TEAD1: variants seen among roughly 807,000 people sequenced by gnomAD.
The protein encoded by TEAD1 is TEA domain transcription factor 1.
TEAD1 carries 9 observed loss-of-function variants against 54.9 expected under a neutral mutation model. That is an observed-to-expected ratio of 0.16 (90% CI 0.10 to 0.29). TEAD1 has a LOEUF of 0.29. Among genes scored for constraint, TEAD1 ranks in the 10% least tolerant of loss-of-function variants. The probability of loss-of-function intolerance (pLI) is 1.00; values close to 1 mark genes in which losing one functional copy is unlikely to be tolerated. For missense variants in TEAD1, 387 were observed against 535.9 expected (o/e 0.72, Z 2.74); for synonymous variants, 200 against 187.8 (o/e 1.07, Z -0.53).
chr11:12,849,517 A>G (rs1245611137), intron 3 of TEAD1: 5 of 152,168 alleles, frequency 3.3e-5, no homozygotes, highest in African/African-American at 1.2e-4. Context: ...AGACATTTAG[A>G]TACTCCTTCA....
At chr11:12,822,374 A>T (rs987225228) in intron 3 of TEAD1, 14 of 152,356 alleles carry the variant, frequency 9.2e-5, no homozygotes, top group African/African-American at 3.4e-4. Flanking sequence ...AATTATTTTG[A>T]AGGAACCATT....
chr11:12,899,683 C>T (rs1203634909), intron 9 of TEAD1, among the ~76,000 whole-genome samples: 1 of 152,150 alleles, frequency 6.6e-6, no homozygotes, highest in East Asian at 1.9e-4. Context: ...TAGTATCTCC[C>T]AGCTTCTGTC....
intron 5 of TEAD1, among the ~76,000 whole-genome samples, chr11:12,874,061 A>T (rs1038824010): frequency 6.6e-6 from 1 of 152,230 alleles, no homozygotes; most frequent in South Asian, 2.1e-4. Context: ...TTCTATATGA[A>T]TAAATTACAT....
chr11:12,923,128 G>T (rs1948842610), intron 10 of TEAD1, among the ~76,000 whole-genome samples: 1 of 151,930 alleles, frequency 6.6e-6, no homozygotes, highest in Admixed American at 6.6e-5. Flanking sequence ...CCGAGCCATG[G>T]TCAGAGGTGC....
At chr11:12,808,496 T>TC (rs754584319) in intron 3 of TEAD1, among the ~76,000 whole-genome samples, 2 of 152,158 alleles carry the variant, frequency 1.3e-5, no homozygotes, top group Non-Finnish European at 1.5e-5. Context: ...TTTGTTTTTT[T>TC]CCCTTGCAAA....
At chr11:12,900,039 A>G (rs1366795003) in intron 9 of TEAD1, among the ~76,000 whole-genome samples, 2 of 152,186 alleles carry the variant, frequency 1.3e-5, no homozygotes, top group Non-Finnish European at 2.9e-5. Context: ...ACTCTAGATT[A>G]TATGTTTAAA....
intron 3 of TEAD1, among the ~76,000 whole-genome samples, chr11:12,800,840 A>G (rs1341204432): frequency 6.6e-6 from 1 of 152,210 alleles, no homozygotes; most frequent in Admixed American, 6.5e-5. Flanking sequence ...ATAGATTTCT[A>G]AGAGTCCTAT....
intron 2 of TEAD1, among the ~76,000 whole-genome samples, chr11:12,723,211 A>C (rs1284128613): frequency 2.0e-5 from 3 of 152,238 alleles, no homozygotes; most frequent in Admixed American, 2.0e-4. Context: ...CTTGGCTTGC[A>C]CTAGATAGTA....
intron 5 of TEAD1, among the ~76,000 whole-genome samples, chr11:12,877,052 TAAAAA>T (rs201408743): frequency 7.9e-5 from 12 of 151,876 alleles, no homozygotes; most frequent in African/African-American, 2.9e-4. Context: ...TTTCAAATCT[TAAAAA>T]AAAGGTTAGT....
chr11:12,855,121 C>A (rs1375275828), intron 3 of TEAD1, among the ~76,000 whole-genome samples: 1 of 152,092 alleles, frequency 6.6e-6, no homozygotes, highest in African/African-American at 2.4e-5. Context: ...CTGGCAGTGT[C>A]CACAGATACA....
intron 5 of TEAD1, among the ~76,000 whole-genome samples, chr11:12,873,470 CT>C (rs1947795996): frequency 6.6e-6 from 1 of 152,156 alleles, no homozygotes; most frequent in African/African-American, 2.4e-5. Flanking sequence ...CCAAATATAG[CT>C]GAGTATATTT....
chr11:12,846,056 A>G (rs915903299), intron 3 of TEAD1, among the ~76,000 whole-genome samples: 2 of 152,250 alleles, frequency 1.3e-5, no homozygotes, highest in Non-Finnish European at 2.9e-5. Flanking sequence ...TTATGTGTAC[A>G]CAGTGTGTGA....
intron 3 of TEAD1, among the ~76,000 whole-genome samples, chr11:12,805,966 C>G (rs1249027499): frequency 6.6e-6 from 1 of 152,008 alleles, no homozygotes; most frequent in Middle Eastern, 3.2e-3. Context: ...TGTTGGGGGT[C>G]TGTGTGAGCT....
chr11:12,749,833 C>G (rs1378566936), intron 2 of TEAD1, among the ~76,000 whole-genome samples: 1 of 152,178 alleles, frequency 6.6e-6, no homozygotes, highest in Non-Finnish European at 1.5e-5. Flanking sequence ...CTGCCTCAGC[C>G]TGTCTTCAGC....
chr11:12,918,700 C>T (rs1564990251), intron 10 of TEAD1, among the ~76,000 whole-genome samples: 1 of 152,166 alleles, frequency 6.6e-6, no homozygotes, highest in Non-Finnish European at 1.5e-5. Flanking sequence ...CAAGAACGTT[C>T]ATAGTAGCAC....
intron 11 of TEAD1, among the ~76,000 whole-genome samples, chr11:12,928,154 A>G (rs976137159): frequency 3.9e-5 from 6 of 152,236 alleles, no homozygotes; most frequent in Non-Finnish European, 7.3e-5. Flanking sequence ...CTCAATGTGT[A>G]TGAAACACCA....
chr11:12,888,157 C>T (rs181070805), intron 9 of TEAD1, among the ~76,000 whole-genome samples: 1 of 152,312 alleles, frequency 6.6e-6, no homozygotes, highest in East Asian at 1.9e-4. Context: ...GAGATGCTGC[C>T]TTACAGTAGC....
At chr11:12,735,503 A>G (rs1175037720) in intron 2 of TEAD1, among the ~76,000 whole-genome samples, 1 of 151,430 alleles carries the variant, frequency 6.6e-6, no homozygotes, top group Admixed American at 6.6e-5. Flanking sequence ...GCTCCCTACC[A>G]AACTCCCAAC....
At chr11:12,900,842 C>T (rs370098041) in intron 9 of TEAD1, among the ~76,000 whole-genome samples, 167 of 152,192 alleles carry the variant, frequency 1.1e-3, no homozygotes, top group South Asian at 4.2e-3. Flanking sequence ...ATAAAGAAGG[C>T]GGATGGAGTT....
Sources: allele counts gnomAD v4.1 joint callset (sites outside exome capture counted in the v4.1 genomes callset), GRCh38; gene constraint gnomAD v4.1.1; transcripts MANE v1.5; gene names NCBI Gene and HGNC (gene_info 2026-07-23, HGNC 2026-07-21).